Variants in SLC14A2 observed in about 807,000 individuals in gnomAD.
SLC14A2 encodes urea transporter 2.
In SLC14A2, 91 loss-of-function variants were observed where a neutral mutation model predicts 104.6. The observed-to-expected ratio is 0.87, with a 90% CI of 0.73 to 1.04. SLC14A2 has a LOEUF of 1.04. SLC14A2 is among the 50% of genes least tolerant of loss of function. SLC14A2 has a pLI of 0.00. For missense variants in SLC14A2, 1,189 were observed against 1,156.0 expected (o/e 1.03, Z -0.41); for synonymous variants, 476 against 466.4 (o/e 1.02, Z -0.27).
intron 2 of SLC14A2, among the ~76,000 whole-genome samples, chr18:45,559,725 T>G (rs2044177805): frequency 6.6e-6 from 1 of 152,226 alleles, no homozygotes; most frequent in Non-Finnish European, 1.5e-5. Context: ...GTGGTTATGG[T>G]GCTCTGGTGC....
intron 16 of SLC14A2, 91 bp from the exon 17 acceptor site, chr18:45,672,809 T>C (rs1383196716): frequency 2.0e-5 from 23 of 1,178,674 alleles, no homozygotes; most frequent in Non-Finnish European, 2.5e-5. Context: ...AAAATGTTAG[T>C]GGGAAGGGTT....
intron 1 of SLC14A2, among the ~76,000 whole-genome samples, chr18:45,306,525 T>C (rs1423565308): frequency 2.0e-5 from 3 of 152,196 alleles, no homozygotes; most frequent in Non-Finnish European, 2.9e-5. Context: ...TAACACTTCA[T>C]AGGCACTGAA....
At chr18:45,451,857 C>T (rs1257760203) in intron 1 of SLC14A2, among the ~76,000 whole-genome samples, 2 of 152,106 alleles carry the variant, frequency 1.3e-5, no homozygotes, top group African/African-American at 4.8e-5. Flanking sequence ...TTTGAAAGAT[C>T]ATATTATGGG....
At chr18:45,649,006 C>A (rs747712264) in intron 10 of SLC14A2, among the ~76,000 whole-genome samples, 29 of 152,030 alleles carry the variant, frequency 1.9e-4, no homozygotes, top group Admixed American at 9.8e-4. Context: ...CCTGTCTCTA[C>A]TAAAAATACA....
upstream of SLC14A2, among the ~76,000 whole-genome samples, chr18:45,611,181 C>G (rs2044965873): frequency 6.6e-6 from 1 of 152,142 alleles, no homozygotes; most frequent in African/African-American, 2.4e-5. Flanking sequence ...GCAAGTTATC[C>G]TTTTCCCCAC....
chr18:45,667,544 A>T (rs1377328013), intron 13 of SLC14A2, among the ~76,000 whole-genome samples: 1 of 152,146 alleles, frequency 6.6e-6, no homozygotes, highest in Non-Finnish European at 1.5e-5. Flanking sequence ...GTTCTTGAAA[A>T]TTCATGGTAC....
intron 2 of SLC14A2, among the ~76,000 whole-genome samples, chr18:45,522,779 C>T (rs2043534516): frequency 6.6e-6 from 1 of 152,132 alleles, no homozygotes; most frequent in Non-Finnish European, 1.5e-5. Flanking sequence ...TTTACTCAGG[C>T]TCTCATTGGA....
chr18:45,668,247 C>T (rs3737475), intron 14 of SLC14A2, 102 bp from the exon 15 acceptor site: 1,183,486 of 1,463,784 alleles, frequency 0.81, 482,702 homozygotes, highest in Non-Finnish European at 0.83. Flanking sequence ...TATTTGAAGG[C>T]GTGTGTAGTC....
intron 1 of SLC14A2, among the ~76,000 whole-genome samples, chr18:45,441,735 C>T (rs560999853): frequency 1.3e-5 from 2 of 152,342 alleles, no homozygotes; most frequent in Admixed American, 1.3e-4. Context: ...TTAATCTTGG[C>T]TTTCCTTCCC....
intron 1 of SLC14A2, among the ~76,000 whole-genome samples, chr18:45,236,587 ATG>A (rs1324639432): frequency 1.4e-5 from 2 of 146,258 alleles, no homozygotes; most frequent in Non-Finnish European, 3.0e-5. Flanking sequence ...ACATATATAT[ATG>A]GGAAAAAGTA....
chr18:45,520,859 C>T (rs749875355), intron 2 of SLC14A2, among the ~76,000 whole-genome samples: 11 of 152,220 alleles, frequency 7.2e-5, no homozygotes, highest in Admixed American at 2.0e-4. Context: ...GTGGCAAAGC[C>T]CAGGGCATAT....
At chr18:45,469,327 C>T (rs2087202125) in intron 1 of SLC14A2, among the ~76,000 whole-genome samples, 1 of 152,078 alleles carries the variant, frequency 6.6e-6, no homozygotes, top group Admixed American at 6.6e-5. Context: ...CCACTGGAGA[C>T]CCTGGAACAA....
chr18:45,598,759 C>T (rs2144407010), intron 2 of SLC14A2, among the ~76,000 whole-genome samples: 1 of 152,324 alleles, frequency 6.6e-6, no homozygotes, highest in South Asian at 2.1e-4. Context: ...ACAATTCGCT[C>T]TGAGACCTCC....
intron 2 of SLC14A2, among the ~76,000 whole-genome samples, chr18:45,538,557 G>A (rs538901065): frequency 5.3e-4 from 80 of 152,284 alleles, no homozygotes; most frequent in African/African-American, 1.8e-3. Flanking sequence ...GGGCTTCCCC[G>A]TAGGACTGCT....
At chr18:45,407,235 C>T (rs1002980947) in intron 1 of SLC14A2, among the ~76,000 whole-genome samples, 2 of 152,214 alleles carry the variant, frequency 1.3e-5, no homozygotes, top group African/African-American at 4.8e-5. Flanking sequence ...TCTGCGTCAG[C>T]ACTTGCTGCT....
chr18:45,171,687 C>T, the SLC14A2 span, among the ~76,000 whole-genome samples: 1 of 152,194 alleles, frequency 6.6e-6, no homozygotes, highest in Non-Finnish European at 1.5e-5. Context: ...ATCTAATTCT[C>T]AGGCCAATGT....
intron 1 of SLC14A2, among the ~76,000 whole-genome samples, chr18:45,446,759 C>T (rs2086777196): frequency 6.6e-6 from 1 of 152,114 alleles, no homozygotes; most frequent in Admixed American, 6.5e-5. Flanking sequence ...TAGGTGACTA[C>T]TGAAATGAAT....
At chr18:45,676,943 A>C (rs144601511) in intron 18 of SLC14A2, among the ~76,000 whole-genome samples, 129 of 152,294 alleles carry the variant, frequency 8.5e-4, no homozygotes, top group African/African-American at 3.1e-3. Context: ...AAAAAAATCC[A>C]AGCCCAGAAC....
At chr18:45,354,841 C>T (rs1201155769) in intron 1 of SLC14A2, among the ~76,000 whole-genome samples, 1 of 152,218 alleles carries the variant, frequency 6.6e-6, no homozygotes, top group Admixed American at 6.5e-5. Context: ...CTCTGGTTTA[C>T]CCCTATTAAA....
Sources: allele counts gnomAD v4.1 joint callset (sites outside exome capture counted in the v4.1 genomes callset), GRCh38; gene constraint gnomAD v4.1.1; transcripts MANE v1.5; gene names NCBI Gene and HGNC (gene_info 2026-07-23, HGNC 2026-07-21).